CATSPERB: variants seen among roughly 807,000 people sequenced by gnomAD.
The protein encoded by CATSPERB is cation channel sperm-associated auxiliary subunit beta.
CATSPERB carries 93 observed loss-of-function variants against 128.3 expected under a neutral mutation model. The observed-to-expected ratio is 0.72, with a 90% CI of 0.61 to 0.86. The LOEUF (loss-of-function observed/expected upper bound fraction) is 0.86. Ranked by LOEUF, CATSPERB falls within the 40% of genes least tolerant of loss-of-function variation. The probability of loss-of-function intolerance (pLI) is 0.00; values close to 1 mark genes in which losing one functional copy is unlikely to be tolerated. For synonymous variants in CATSPERB, 381 were observed against 448.8 expected, an observed-to-expected ratio of 0.85 and a Z score of 1.91; for missense variants, 1,153 against 1,329.5, an observed-to-expected ratio of 0.87 and a Z score of 2.06.
chr14:91,607,769 A>G (rs1229871120), intron 22 of CATSPERB, among the ~76,000 whole-genome samples: 1 of 152,158 alleles, frequency 6.6e-6, no homozygotes, highest in Non-Finnish European at 1.5e-5. Context: ...GAGAGATTCC[A>G]CAGGCGTCCA....
intron 9 of CATSPERB, among the ~76,000 whole-genome samples, chr14:91,692,668 G>C (rs1342378682): frequency 6.6e-6 from 1 of 152,026 alleles, no homozygotes; most frequent in East Asian, 1.9e-4. Flanking sequence ...ATTTTTGAGA[G>C]GTACTTGTTA....
intron 15 of CATSPERB, among the ~76,000 whole-genome samples, chr14:91,650,782 A>AT (rs1393555141): frequency 6.6e-6 from 1 of 152,086 alleles, no homozygotes; most frequent in Non-Finnish European, 1.5e-5. Flanking sequence ...TACAGCCACA[A>AT]TTTTTGTTCA....
At chr14:91,609,265 A>G (rs914997762) in intron 21 of CATSPERB, among the ~76,000 whole-genome samples, 3 of 151,842 alleles carry the variant, frequency 2.0e-5, no homozygotes, top group African/African-American at 7.3e-5. Context: ...ACCACTTCAT[A>G]TGGAACCCAT....
At chr14:91,617,475 A>G in intron 20 of CATSPERB, 122 bp downstream of exon 20, 2 of 635,674 alleles carry the variant, frequency 3.1e-6, no homozygotes, top group Admixed American at 3.7e-5. Context: ...GTAACCCTAT[A>G]CTCTTATGTG....
At chr14:91,631,573 G>A (rs147012964) in intron 17 of CATSPERB, among the ~76,000 whole-genome samples, 10,706 of 152,194 alleles carry the variant, frequency 0.07, 513 homozygotes, top group Non-Finnish European at 0.1. Flanking sequence ...GCTGAGGCAG[G>A]AGAATCGCTT....
chr14:91,595,882 C>A (rs1190693585), intron 22 of CATSPERB, among the ~76,000 whole-genome samples: 1 of 152,110 alleles, frequency 6.6e-6, no homozygotes, highest in Non-Finnish European at 1.5e-5. Context: ...TAGAGGGAAA[C>A]AAATAGGTTC....
At chr14:91,659,698 CT>C in intron 15 of CATSPERB, 138 bp downstream of exon 15, 1 of 741,198 alleles carries the variant, frequency 1.3e-6, no homozygotes, top group Non-Finnish European at 2.1e-6. Flanking sequence ...TAGGATCCTA[CT>C]TCTGTAGATC....
intron 10 of CATSPERB, among the ~76,000 whole-genome samples, chr14:91,687,948 C>T (rs1488618472): frequency 2.1e-5 from 2 of 94,252 alleles, no homozygotes; most frequent in African/African-American, 8.2e-5. Flanking sequence ...GGGAGAGTGT[C>T]TCAAAAAAAA....
chr14:91,728,033 A>C (rs1231337423), intron 2 of CATSPERB, among the ~76,000 whole-genome samples: 3 of 152,144 alleles, frequency 2.0e-5, no homozygotes, highest in Non-Finnish European at 4.4e-5. Context: ...CTTGTCTATC[A>C]CCTCTGAAAT....
At chr14:91,656,936 A>G (rs1894798481) in intron 15 of CATSPERB, among the ~76,000 whole-genome samples, 1 of 152,154 alleles carries the variant, frequency 6.6e-6, no homozygotes, top group African/African-American at 2.4e-5. Context: ...TATAATGATA[A>G]AGGGGTCAAT....
chr14:91,663,519 C>T (rs1894922815), intron 14 of CATSPERB, among the ~76,000 whole-genome samples: 1 of 151,792 alleles, frequency 6.6e-6, no homozygotes, highest in Non-Finnish European at 1.5e-5. Flanking sequence ...GTGGAGGGCG[C>T]CTGTAGTCCC....
intron 17 of CATSPERB, among the ~76,000 whole-genome samples, chr14:91,625,464 T>G (rs1025359763): frequency 6.6e-6 from 1 of 152,020 alleles, no homozygotes; most frequent in Non-Finnish European, 1.5e-5. Context: ...AATTTAGAAA[T>G]GAGAAATGTC....
At chr14:91,664,093 G>A (rs1377738199) in intron 14 of CATSPERB, among the ~76,000 whole-genome samples, 5 of 151,894 alleles carry the variant, frequency 3.3e-5, no homozygotes, top group South Asian at 2.1e-4. Flanking sequence ...CTCTGTTCTC[G>A]GCCTATTCAA....
chr14:91,716,863 G>A (rs1000652608), intron 5 of CATSPERB, among the ~76,000 whole-genome samples: 2 of 151,858 alleles, frequency 1.3e-5, no homozygotes, highest in Admixed American at 1.3e-4. Flanking sequence ...ATAAAGTTAA[G>A]CTTATACTTA....
chr14:91,628,452 G>A (rs1186611519), intron 17 of CATSPERB, among the ~76,000 whole-genome samples: 2 of 152,158 alleles, frequency 1.3e-5, no homozygotes, highest in Admixed American at 1.3e-4. Flanking sequence ...ATATGGTTTG[G>A]CTCAATGTCC....
chr14:91,615,545 T>A (rs573080111), intron 20 of CATSPERB, among the ~76,000 whole-genome samples: 1 of 152,326 alleles, frequency 6.6e-6, no homozygotes, highest in South Asian at 2.1e-4. Context: ...GGATGTGTGG[T>A]ATTTATCTTT....
rs373392863 is a variant in CATSPERB, at chr14:91,663,879, C to A, written c.1288-3898G>T. 6.6e-5 allele frequency among the ~76,000 whole-genome samples: 10 copies of A among 152,010 alleles called. No individual in the cohort carries two copies. In the South Asian group the frequency reaches 1.5e-3, roughly 22 times the overall value. On this transcript the variant is annotated intron_variant, in intron 14 of 26. Transcript: ENST00000256343. ...TATTTACATTGTAGTGGAAGAGTTC[C>A]CCCGCACATGCATAGTCTCCCCCAT... is the stretch of plus-strand genomic sequence containing the variant.
chr14:91,602,583 T>C (rs1468339575), intron 22 of CATSPERB, among the ~76,000 whole-genome samples: 2 of 152,098 alleles, frequency 1.3e-5, no homozygotes, highest in African/African-American at 4.8e-5. Flanking sequence ...AGGGACTAAT[T>C]TGTAAGGTAA....
chr14:91,586,633 A>G (rs1893307336), intron 26 of CATSPERB, among the ~76,000 whole-genome samples: 1 of 151,986 alleles, frequency 6.6e-6, no homozygotes, highest in Non-Finnish European at 1.5e-5. Context: ...ACAATGACTC[A>G]TTAATTGATT....
Sources: gnomAD v4.1 joint callset for allele counts (sites outside exome capture counted in the v4.1 genomes callset) on GRCh38, gnomAD v4.1.1 for gene constraint, MANE v1.5 for transcripts, NCBI Gene and HGNC (gene_info 2026-07-23, HGNC 2026-07-21) for gene names.